KCNAB1: variants seen among roughly 807,000 people sequenced by gnomAD.
KCNAB1 encodes the protein potassium voltage-gated channel subfamily A regulatory beta subunit 1.
KCNAB1 carries 35 observed loss-of-function variants against 64.6 expected under a neutral mutation model. The ratio of observed to expected loss-of-function variants is 0.54; its 90% CI spans 0.41 to 0.72. The LOEUF (loss-of-function observed/expected upper bound fraction) is 0.72, where lower values mean the gene tolerates loss of function less well. Ranked by LOEUF, KCNAB1 falls within the 30% of genes least tolerant of loss-of-function variation. The pLI is 0.00. For synonymous variants in KCNAB1, 177 were observed against 183.8 expected, an observed-to-expected ratio of 0.96 and a Z score of 0.30; for missense variants, 401 against 512.9, an observed-to-expected ratio of 0.78 and a Z score of 2.11.
chr3:156,447,981 A>G (rs1256513339), intron 2 of KCNAB1, among the ~76,000 whole-genome samples: 1 of 152,212 alleles, frequency 6.6e-6, no homozygotes, highest in East Asian at 1.9e-4. Context: ...TACCCTGATA[A>G]TCACCAAACG....
At chr3:156,368,012 TCC>T (rs1196882155) in intron 1 of KCNAB1, among the ~76,000 whole-genome samples, 4 of 152,160 alleles carry the variant, frequency 2.6e-5, no homozygotes, top group Non-Finnish European at 5.9e-5. Context: ...TAAACCTAAA[TCC>T]TGTTTGTGAA....
chr3:156,303,505 T>C (rs908048087), intron 1 of KCNAB1, among the ~76,000 whole-genome samples: 1 of 152,158 alleles, frequency 6.6e-6, no homozygotes, highest in African/African-American at 2.4e-5. Context: ...AAATGGCTCC[T>C]GGGGGACCTT....
intron 7 of KCNAB1, 65 bp downstream of exon 7, chr3:156,465,751 A>C: frequency 7.6e-7 from 1 of 1,318,608 alleles, no homozygotes; most frequent in South Asian, 1.2e-5. Flanking sequence ...GGTATCAACC[A>C]AACAAATTCA....
intron 1 of KCNAB1, among the ~76,000 whole-genome samples, chr3:156,246,375 G>A (rs1050385773): frequency 6.6e-6 from 1 of 152,168 alleles, no homozygotes; most frequent in Non-Finnish European, 1.5e-5. Context: ...GGAGGCCGAG[G>A]AGGGCAGATC....
intron 1 of KCNAB1, among the ~76,000 whole-genome samples, chr3:156,337,438 C>T (rs1448282042): frequency 1.3e-5 from 2 of 152,036 alleles, no homozygotes; most frequent in African/African-American, 4.8e-5. Context: ...TCCTTATTCT[C>T]TCATCCTTCC....
At chr3:156,363,456 T>C (rs1056341894) in intron 1 of KCNAB1, among the ~76,000 whole-genome samples, 11 of 151,324 alleles carry the variant, frequency 7.3e-5, no homozygotes, top group African/African-American at 2.7e-4. Context: ...GTAAGACATC[T>C]GCAAATTCTG....
intron 2 of KCNAB1, among the ~76,000 whole-genome samples, chr3:156,447,086 G>C (rs1711621850): frequency 6.6e-6 from 1 of 152,056 alleles, no homozygotes; most frequent in South Asian, 2.1e-4. Context: ...CTCCAGATAA[G>C]CGCCTGGTGA....
chr3:156,365,381 C>T (rs148339301), intron 1 of KCNAB1, among the ~76,000 whole-genome samples: 126 of 152,296 alleles, frequency 8.3e-4, no homozygotes, highest in African/African-American at 2.8e-3. Context: ...ATGGCGTAGA[C>T]GTGCAAGAGG....
chr3:156,285,659 C>T (rs1720060541), intron 1 of KCNAB1, among the ~76,000 whole-genome samples: 1 of 152,130 alleles, frequency 6.6e-6, no homozygotes, highest in Non-Finnish European at 1.5e-5. Context: ...GGCCATCATG[C>T]CCAGCTAATT....
chr3:156,231,513 TC>T (rs1716527952), intron 1 of KCNAB1, among the ~76,000 whole-genome samples: 16 of 35,888 alleles, frequency 4.5e-4, no homozygotes, highest in African/African-American at 1.7e-3. Flanking sequence ...CCTCCCTCCC[TC>T]CCTTCCTCCC....
intron 8 of KCNAB1, among the ~76,000 whole-genome samples, chr3:156,490,591 G>T (rs1327112833): frequency 1.3e-5 from 2 of 152,208 alleles, no homozygotes; most frequent in East Asian, 3.9e-4. Context: ...AAATACAATG[G>T]CTAATTTTTT....
At chr3:156,147,185 T>A (rs1263495450) in intron 1 of KCNAB1, among the ~76,000 whole-genome samples, 1 of 152,194 alleles carries the variant, frequency 6.6e-6, no homozygotes, top group African/African-American at 2.4e-5. Flanking sequence ...CATTAAATTG[T>A]GAAGAGGGAA....
At chr3:156,267,659 A>G (rs886336129) in intron 1 of KCNAB1, among the ~76,000 whole-genome samples, 17 of 152,154 alleles carry the variant, frequency 1.1e-4, no homozygotes, top group Admixed American at 9.2e-4. Flanking sequence ...AAGCCGCTCT[A>G]TCTGCTGGTA....
At chr3:156,357,708 G>A in intron 1 of KCNAB1, among the ~76,000 whole-genome samples, 1 of 151,328 alleles carries the variant, frequency 6.6e-6, no homozygotes, top group Non-Finnish European at 1.5e-5. Flanking sequence ...TGTATCCATA[G>A]TATTATCACT....
intron 1 of KCNAB1, among the ~76,000 whole-genome samples, chr3:156,218,810 TAA>T (rs1491492113): frequency 4.1e-4 from 52 of 125,792 alleles, no homozygotes; most frequent in African/African-American, 8.0e-4. Flanking sequence ...AAAATAATAA[TAA>T]AATAAAATAA....
intron 1 of KCNAB1, among the ~76,000 whole-genome samples, chr3:156,214,482 T>C (rs1715197455): frequency 6.6e-6 from 1 of 152,134 alleles, no homozygotes; most frequent in Admixed American, 6.5e-5. Flanking sequence ...TAGAGAATAC[T>C]GAGTGTTTTC....
At chr3:156,448,642 G>T (rs566302256) in intron 2 of KCNAB1, among the ~76,000 whole-genome samples, 2 of 152,160 alleles carry the variant, frequency 1.3e-5, no homozygotes, top group East Asian at 3.9e-4. Flanking sequence ...TAGCTGGGTG[G>T]GTACCCAGGG....
intron 2 of KCNAB1, among the ~76,000 whole-genome samples, chr3:156,451,141 A>T (rs1711973837): frequency 6.6e-6 from 1 of 152,182 alleles, no homozygotes; most frequent in Non-Finnish European, 1.5e-5. Flanking sequence ...AAATCAAAAC[A>T]TTTCAAGAAA....
At position 156,537,281 on chromosome 3, in the gene KCNAB1, G is replaced by A; in HGVS notation, c.*534G>A. 2.1e-5 allele frequency: 8 copies of A among 382,208 alleles called. No homozygotes were observed. In the Admixed American group the frequency reaches 2.7e-4, roughly 13 times the overall value. The allele number at this position is 382,208 out of a possible 1,614,324, so 23.7% of individuals were successfully genotyped here. On this transcript the variant is annotated 3_prime_UTR_variant, in exon 14 of 14. Transcript: ENST00000490337. ...GTATCTTCACTCAAAAGTCTTGCTT[G>A]GAAGAATAAGCAGAAATAATTTTAT...
Sources: allele counts gnomAD v4.1 joint callset (sites outside exome capture counted in the v4.1 genomes callset), GRCh38; gene constraint gnomAD v4.1.1; transcripts MANE v1.5; gene names NCBI Gene and HGNC (gene_info 2026-07-23, HGNC 2026-07-21).